MROH2A: variants seen among roughly 807,000 people sequenced by gnomAD.
The protein encoded by MROH2A is maestro heat like repeat family member 2A.
A neutral mutation model predicts 200.4 loss-of-function variants in MROH2A; 174 were observed. That is an observed-to-expected ratio of 0.87 (90% confidence interval 0.77 to 0.98). The LOEUF (loss-of-function observed/expected upper bound fraction) is 0.98, where lower values mean the gene tolerates loss of function less well. Among genes scored for constraint, MROH2A ranks in the 50% least tolerant of loss-of-function variants. MROH2A has a pLI of 0.00. For synonymous variants in MROH2A, 829 were observed against 840.4 expected (o/e 0.99, Z 0.23); for missense variants, 2,045 against 2,139.6 (o/e 0.96, Z 0.87).
At chr2:233,800,088 C>A in intron 13 of MROH2A, 117 bp from the exon 14 acceptor site, 2 of 1,063,116 alleles carry the variant, frequency 1.9e-6, no homozygotes, top group Non-Finnish European at 2.7e-6. Flanking sequence ...CAGCTCTGAG[C>A]ATTCTGTAGA....
intron 9 of MROH2A, 84 bp downstream of exon 9, chr2:233,795,829 AACTC>A (rs1393614092): frequency 1.9e-6 from 3 of 1,548,450 alleles, no homozygotes; most frequent in African/African-American, 2.7e-5. Flanking sequence ...CCTGGCCCAC[AACTC>A]ACTCGCGTGC....
intron 27 of MROH2A, 77 bp from the exon 28 acceptor site, chr2:233,817,925 C>G (rs1703651638): frequency 4.6e-6 from 7 of 1,527,486 alleles, no homozygotes; most frequent in Non-Finnish European, 6.2e-6. Flanking sequence ...TCAAGTTGTC[C>G]TTTACACTGC....
chr2:233,790,282 A>T (rs1701633304), intron 5 of MROH2A, among the ~76,000 whole-genome samples: 2 of 104,588 alleles, frequency 1.9e-5, no homozygotes, highest in African/African-American at 4.4e-5. Context: ...TTTCTTTTTT[A>T]ATTTCCTTCC....
chr2:233,822,602 T>TGTAGCCACGGGCTGCCC, intron 33 of MROH2A, 46 bp downstream of exon 33: 1 of 1,528,394 alleles, frequency 6.5e-7, no homozygotes, highest in Non-Finnish European at 8.8e-7. Context: ...CTGGGCTGGC[T>TGTAGCCACGGGCTGCCC]GTAGCCACGG....
rs114619228 is a variant in MROH2A at position 233,790,340 on chromosome 2, C to G, written c.571+326C>G. ...GTTTCCTTTTTTATTGCCTGCCTTACTTACTCCTTCCTCTCCCTCCCCCTT... is the reference window on the plus strand; with the variant it reads ...GTTTCCTTTTTTATTGCCTGCCTTAGTTACTCCTTCCTCTCCCTCCCCCTT... On this transcript the variant is annotated intron_variant, in intron 5 of 41. Transcript: ENST00000389758. Among the ~76,000 whole-genome samples the G allele has an allele frequency of 7.9e-3, 1,168 of 148,088 alleles. 6 individuals are homozygous for G. The highest frequency in any genetic ancestry group is 0.017 in the African/African-American group (689 of 39,590).
intron 39 of MROH2A, among the ~76,000 whole-genome samples, 198 bp from the exon 40 acceptor site, chr2:233,831,978 TC>T (rs1704789679): frequency 6.6e-6 from 1 of 152,222 alleles, no homozygotes; most frequent in Admixed American, 6.5e-5. Context: ...CAGCACAGGT[TC>T]TCTGGTCAGA....
rs951926426 is a variant in MROH2A at position 233,779,777 on chromosome 2, G to A, written c.201G>A (p.Val67=). 4.5e-6 allele frequency: 7 copies of A among 1,550,718 alleles called. No homozygotes were observed. The highest frequency in any genetic ancestry group is 4.4e-6 in the Non-Finnish European group (5 of 1,147,058). ...ACATGCGGAAGACCCTGGCCTCGGT[G>A]ATAATCATGGAGAAGGCCACCACTG... is the stretch of plus-strand genomic sequence containing the variant. ...GLDMRKTLAS[V]IIMEKATTEP... The change falls in exon 3 of 42, where the codon GTG becomes GTA. Residue 67 remains valine, a synonymous_variant. Transcript: ENST00000389758.
intron 4 of MROH2A, 21 bp downstream of exon 4, chr2:233,789,649 G>A (rs141722641): frequency 2.7e-5 from 39 of 1,450,784 alleles, no homozygotes; most frequent in Middle Eastern, 3.8e-4. Flanking sequence ...AAGCTCCATC[G>A]GTGCCTTCCC....
intron 3 of MROH2A, among the ~76,000 whole-genome samples, chr2:233,783,482 T>C (rs546202409): frequency 3.5e-4 from 54 of 152,318 alleles, no homozygotes; most frequent in Non-Finnish European, 6.5e-4. Context: ...CTGTTTCCTA[T>C]AGGTTTTCAA....
chr2:233,801,735 TTGAC>T lies in MROH2A; in HGVS notation c.1561-429_1561-426del, dbSNP rs1252294207. On this transcript the variant is annotated intron_variant, in intron 14 of 41. Transcript: ENST00000389758. The stretch of plus-strand genomic sequence containing the variant: ...TTCACAACAACACCTAGATTGGTGT[TTGAC>T]TGAATGACTAGGTACAGTCGCCTAG... Among the ~76,000 whole-genome samples the T allele has an allele frequency of 1.2e-4, 19 of 152,206 alleles. 1 individual carries two copies. Among genetic ancestry groups the T allele is most frequent in the Non-Finnish European group, 1.0e-4 (7 of 68,032 alleles).
rs570314512 is a variant in MROH2A, at chr2:233,799,980, A to G, written c.1449+81A>G. On this transcript the variant is annotated intron_variant, in intron 13 of 41. Coordinates refer to ENST00000389758, the MANE Select transcript of MROH2A (RefSeq NM_001394639.1). Reference sequence around the variant, plus strand: ...CAGTGCTGAGGGGAGAATGCCACTCAGCGTACCTGTGTTCAAACCTGCGTA... The same window carrying G: ...CAGTGCTGAGGGGAGAATGCCACTCGGCGTACCTGTGTTCAAACCTGCGTA... The G allele has an allele frequency of 3.2e-4, 481 of 1,522,760 alleles. 13 individuals are homozygous for G. In the South Asian group the frequency reaches 5.7e-3, roughly 18 times the overall value. The allele number at this position is 1,522,760 out of a possible 1,614,324, so 94.3% of individuals were successfully genotyped here.
chr2:233,791,357 G>T (rs1023470709), intron 5 of MROH2A, among the ~76,000 whole-genome samples: 1 of 152,174 alleles, frequency 6.6e-6, no homozygotes, highest in Non-Finnish European at 1.5e-5. Flanking sequence ...GGGACCTGCT[G>T]AGGACGGGGG....
chr2:233,805,205 G>A, intron 19 of MROH2A, 94 bp downstream of exon 19: 1 of 823,868 alleles, frequency 1.2e-6, no homozygotes, highest in Non-Finnish European at 1.9e-6. Flanking sequence ...GAGATCAGCT[G>A]GACCTGTGGC....
At chr2:233,808,483 C>G (rs1317263896) in intron 21 of MROH2A, among the ~76,000 whole-genome samples, 2 of 152,226 alleles carry the variant, frequency 1.3e-5, no homozygotes, top group African/African-American at 4.8e-5. Flanking sequence ...ATGCCTCAGG[C>G]TTTGCCCTTG....
intron 26 of MROH2A, among the ~76,000 whole-genome samples, chr2:233,815,220 A>G (rs1288262059): frequency 1.3e-5 from 2 of 152,088 alleles, no homozygotes. Flanking sequence ...TAACCTTGGC[A>G]CTTTTGAAGG....
intron 5 of MROH2A, among the ~76,000 whole-genome samples, chr2:233,791,733 G>A (rs1487499640): frequency 6.6e-6 from 1 of 152,150 alleles, no homozygotes; most frequent in Non-Finnish European, 1.5e-5. Flanking sequence ...ACAATCTCAA[G>A]GGGTGCAGGC....
At chr2:233,826,018 G>C (rs111923057) in intron 35 of MROH2A, among the ~76,000 whole-genome samples, 12 of 138,454 alleles carry the variant, frequency 8.7e-5, no homozygotes. Context: ...TCCACCTCCC[G>C]GGTTCAAGCA....
At position 233,829,617 on chromosome 2, in the gene MROH2A, C is replaced by T. The variant is rs750620080; in HGVS notation, c.4447-3C>T. The T allele has an allele frequency of 9.2e-6, 13 of 1,410,112 alleles. No homozygotes were observed. The highest frequency in any genetic ancestry group is 4.9e-5 in the South Asian group (3 of 60,742). 87.3% of individuals were successfully genotyped at this position (1,410,112 alleles called of 1,614,324 possible). A position where few individuals can be genotyped will look rare whatever the true frequency, so the allele number is the denominator to read the frequency against. ...TGTCAGCCTGTGTCCATCCTGGCCACAGGAGAGCGAGCTGCTGCGTCTGAA... is the reference window on the plus strand; with the variant it reads ...TGTCAGCCTGTGTCCATCCTGGCCATAGGAGAGCGAGCTGCTGCGTCTGAA... On this transcript the variant is annotated splice_polypyrimidine_tract_variant and splice_region_variant and intron_variant, in intron 37 of 41. Coordinates refer to ENST00000389758, the MANE Select transcript of MROH2A (RefSeq NM_001394639.1).
At position 233,790,670 on chromosome 2, in the gene MROH2A, C is replaced by T. The variant is rs62191949; in HGVS notation, c.571+656C>T. Among the ~76,000 whole-genome samples the T allele has an allele frequency of 5.2e-3, 57 of 10,918 alleles. 17 individuals are homozygous for T. The highest frequency in any genetic ancestry group is 0.033 in the Middle Eastern group (1 of 30). The allele number at this position is 10,918 out of a possible 152,430, so 7.2% of individuals were successfully genotyped here. A position where few individuals can be genotyped will look rare whatever the true frequency, so the allele number is the denominator to read the frequency against. The stretch of plus-strand genomic sequence containing the variant: ...CTCCCCTCCCCTCCCCTCCCTCCCT[C>T]CCTCCCTTCCTTCCTTCCTTCCTTC... On this transcript the variant is annotated intron_variant, in intron 5 of 41. Coordinates refer to ENST00000389758, the MANE Select transcript of MROH2A (RefSeq NM_001394639.1).
Sources: allele counts gnomAD v4.1 joint callset (sites outside exome capture counted in the v4.1 genomes callset), GRCh38; gene constraint gnomAD v4.1.1; transcripts MANE v1.5; gene names NCBI Gene and HGNC (gene_info 2026-07-23, HGNC 2026-07-21).